SEC11A: variants seen among roughly 807,000 people sequenced by gnomAD.
SEC11A encodes the protein SEC11 homolog A, signal peptidase complex subunit, also known as signal peptidase complex catalytic subunit SEC11A.
A neutral mutation model predicts 25.6 loss-of-function variants in SEC11A; 14 were observed. The observed-to-expected ratio is 0.55, with a 90% CI of 0.36 to 0.85. SEC11A has a LOEUF of 0.85. Among genes scored for constraint, SEC11A ranks in the 40% least tolerant of loss-of-function variants. The pLI, the probability that SEC11A is intolerant of heterozygous loss-of-function variation, is 0.01. For missense variants in SEC11A, 153 were observed against 222.9 expected (o/e 0.69, Z 2.00); for synonymous variants, 83 against 76.4 (o/e 1.09, Z -0.45).
chr15:84,679,277 G>A (rs567343715), intron 4 of SEC11A: 20 of 1,262,984 alleles, frequency 1.6e-5, no homozygotes, highest in Non-Finnish European at 2.1e-5. Flanking sequence ...TTTCTCAGAA[G>A]CACTGATGAC....
chr15:84,687,536 G>T, intron 3 of SEC11A, 89 bp downstream of exon 3: 1 of 1,142,862 alleles, frequency 8.7e-7, no homozygotes, highest in Non-Finnish European at 1.2e-6. Flanking sequence ...GTTCCTCACT[G>T]TTTTACAATC....
chr15:84,707,406 G>C (rs1898128496), intron 1 of SEC11A, among the ~76,000 whole-genome samples: 1 of 151,838 alleles, frequency 6.6e-6, no homozygotes, highest in Non-Finnish European at 1.5e-5. Flanking sequence ...GGATGGTCTC[G>C]ATCTCTTGGC....
chr15:84,702,850 A>C (rs1405813298), intron 1 of SEC11A, among the ~76,000 whole-genome samples: 5 of 152,178 alleles, frequency 3.3e-5, no homozygotes, highest in Non-Finnish European at 5.9e-5. Context: ...AATTCTACAC[A>C]CTAACTCTTC....
intron 1 of SEC11A, among the ~76,000 whole-genome samples, chr15:84,695,910 C>T (rs573837344): frequency 6.4e-4 from 98 of 152,252 alleles, no homozygotes; most frequent in African/African-American, 2.2e-3. Context: ...CATGTTTTTA[C>T]AGTTTTTACT....
At chr15:84,685,735 CTT>C (rs1480206113) in intron 3 of SEC11A, 1 of 151,480 alleles carries the variant, frequency 6.6e-6, no homozygotes, top group African/African-American at 2.4e-5. Flanking sequence ...CACAAATCCA[CTT>C]TCAGAATCTG....
chr15:84,683,218 C>G (rs1897323834), intron 3 of SEC11A, among the ~76,000 whole-genome samples: 2 of 152,040 alleles, frequency 1.3e-5, no homozygotes, highest in Admixed American at 1.3e-4. Flanking sequence ...TCAGGAACAG[C>G]AGGAAGGAAA....
chr15:84,698,131 C>T (rs1309184734), intron 1 of SEC11A, among the ~76,000 whole-genome samples: 2 of 152,024 alleles, frequency 1.3e-5, no homozygotes, highest in African/African-American at 2.4e-5. Context: ...AAACCTAACA[C>T]AGAAAATTCA....
intron 1 of SEC11A, among the ~76,000 whole-genome samples, chr15:84,709,402 T>C (rs558068235): frequency 6.6e-6 from 1 of 152,232 alleles, no homozygotes; most frequent in South Asian, 2.1e-4. Flanking sequence ...AGTGTTAATA[T>C]TCTTATGTTA....
In SEC11A at chr15:84,716,082, G is replaced by C; in HGVS notation, c.-7C>G. 6.2e-7 allele frequency: 1 copy of C among 1,613,568 alleles called. No homozygotes were observed. Among genetic ancestry groups the C allele is most frequent in the Non-Finnish European group, 8.5e-7 (1 of 1,179,684 alleles). ...AAAAGTCTAGAGACAGCATGGCGGG[G>C]ACGGCGAGCAGGACACCGGCAGGGG... On this transcript the variant is annotated 5_prime_UTR_variant, in exon 1 of 6. Transcript: ENST00000268220.
In SEC11A at chr15:84,670,738, T is replaced by C; in HGVS notation, c.476A>G (p.Tyr159Cys). Residue 159 changes from tyrosine to cysteine, a missense_variant, in exon 5 of 6, where the codon TAT becomes TGT. Transcript: ENST00000268220. ...ACAGACTCTTACCTTAAATTTAGGATAGTCATTCATGAGGATCGTCACAAT... is the reference window on the plus strand; with the variant it reads ...ACAGACTCTTACCTTAAATTTAGGACAGTCATTCATGAGGATCGTCACAAT... ...IGIVTILMND[Y>C]PKFKYAVLFL... 6.9e-7 allele frequency: 1 copy of C among 1,445,016 alleles called. No homozygotes were observed. Among genetic ancestry groups the C allele is most frequent in the Non-Finnish European group, 9.5e-7 (1 of 1,053,268 alleles). 89.5% of individuals were successfully genotyped at this position (1,445,016 alleles called of 1,614,324 possible).
chr15:84,678,162 A>ACTCCAGCCTGGGCAACAGAGCAAGACT (rs1192525258), intron 4 of SEC11A, among the ~76,000 whole-genome samples: 5 of 151,998 alleles, frequency 3.3e-5, no homozygotes, highest in Non-Finnish European at 5.9e-5. Flanking sequence ...GCTCCACTGC[A>ACTCCAGCCTGGGCAACAGAGCAAGACT]CTCCAGCCTG....
intron 1 of SEC11A, among the ~76,000 whole-genome samples, chr15:84,703,373 A>C (rs1192882084): frequency 1.3e-5 from 2 of 152,184 alleles, no homozygotes; most frequent in African/African-American, 4.8e-5. Context: ...TTGAAGACAC[A>C]AGTAAATATG....
At chr15:84,700,009 T>C (rs767533222) in intron 1 of SEC11A, among the ~76,000 whole-genome samples, 1 of 151,984 alleles carries the variant, frequency 6.6e-6, no homozygotes, top group Non-Finnish European at 1.5e-5. Flanking sequence ...TACTCACTTG[T>C]AGTGCAAAAT....
chr15:84,688,152 C>T (rs1223027210), intron 2 of SEC11A, among the ~76,000 whole-genome samples: 1 of 152,182 alleles, frequency 6.6e-6, no homozygotes. Context: ...AAACACTAAA[C>T]ATATTCAGAT....
chr15:84,708,838 A>G (rs373470922), intron 1 of SEC11A, among the ~76,000 whole-genome samples: 1 of 152,152 alleles, frequency 6.6e-6, no homozygotes, highest in Admixed American at 6.6e-5. Context: ...AATCGTTAAG[A>G]TATCACTGCA....
intron 1 of SEC11A, among the ~76,000 whole-genome samples, chr15:84,712,590 G>C (rs1032086128): frequency 6.6e-6 from 1 of 151,760 alleles, no homozygotes; most frequent in African/African-American, 2.4e-5. Context: ...TGGGATTACA[G>C]GTGCGCACCA....
In SEC11A at chr15:84,675,757, C is replaced by A. The variant is rs539373266; in HGVS notation, c.431+4956G>T. Among the ~76,000 whole-genome samples the A allele has an allele frequency of 2.0e-5, 3 of 152,306 alleles. No homozygotes were observed. The South Asian group carries it at 6.2e-4, about 32-fold the overall frequency. Reference sequence around the variant, plus strand: ...TAATGGGTGCTCTTGAATTTTTCAACTTCCTGAGTTTAGAAAGAAATCACC... The same window carrying A: ...TAATGGGTGCTCTTGAATTTTTCAAATTCCTGAGTTTAGAAAGAAATCACC... On this transcript the variant is annotated intron_variant, in intron 4 of 5. Transcript: ENST00000268220.
chr15:84,709,006 C>T (rs1021210398), intron 1 of SEC11A, among the ~76,000 whole-genome samples: 1 of 151,852 alleles, frequency 6.6e-6, no homozygotes, highest in Non-Finnish European at 1.5e-5. Flanking sequence ...AAGTGGCCTG[C>T]GGGGAGCTAA....
chr15:84,679,866 T>C (rs766820741), intron 4 of SEC11A: 11 of 1,158,444 alleles, frequency 9.5e-6, no homozygotes, highest in South Asian at 1.4e-5. Flanking sequence ...ACGTGAGTTA[T>C]TGTTAATACT....
Sources: gnomAD v4.1 joint callset for allele counts (sites outside exome capture counted in the v4.1 genomes callset) on GRCh38, gnomAD v4.1.1 for gene constraint, MANE v1.5 for transcripts, NCBI Gene and HGNC (gene_info 2026-07-23, HGNC 2026-07-21) for gene names.